GRM5: variants seen among roughly 807,000 people sequenced by gnomAD.
The protein encoded by GRM5 is metabotropic glutamate receptor 5.
Under a neutral mutation model 83.1 loss-of-function variants are expected in GRM5, and 19 were observed. That is an observed-to-expected ratio of 0.23 (90% CI 0.16 to 0.34). GRM5 has a LOEUF of 0.34. Among genes scored for constraint, GRM5 ranks in the 10% least tolerant of loss-of-function variants. The pLI, the probability that GRM5 is intolerant of heterozygous loss-of-function variation, is 1.00. For synonymous variants in GRM5, 675 were observed against 633.6 expected, an observed-to-expected ratio of 1.07 and a Z score of -0.98; for missense variants, 1,160 against 1,588.3, an observed-to-expected ratio of 0.73 and a Z score of 4.58.
intron 3 of GRM5, among the ~76,000 whole-genome samples, chr11:88,785,915 A>C (rs1943059907): frequency 6.6e-6 from 1 of 152,140 alleles, no homozygotes; most frequent in South Asian, 2.1e-4. Context: ...TGCTTTGCTC[A>C]GGTTCCAAAG....
At chr11:88,971,465 T>C (rs1323673145) in intron 2 of GRM5, among the ~76,000 whole-genome samples, 2 of 152,036 alleles carry the variant, frequency 1.3e-5, no homozygotes, top group Non-Finnish European at 2.9e-5. Context: ...CCAGTGACTT[T>C]TTTCCCCTTC....
chr11:88,953,298 C>A (rs536190715), intron 2 of GRM5, among the ~76,000 whole-genome samples: 2 of 152,308 alleles, frequency 1.3e-5, no homozygotes, highest in South Asian at 2.1e-4. Context: ...CACTTATATG[C>A]ATACACACAC....
intron 3 of GRM5, among the ~76,000 whole-genome samples, chr11:88,807,075 G>A (rs1565240290): frequency 6.6e-6 from 1 of 152,082 alleles, no homozygotes; most frequent in Non-Finnish European, 1.5e-5. Context: ...ATTATCTGTT[G>A]ACATGGATTT....
At chr11:88,673,457 C>T (rs1000974943) in intron 3 of GRM5, among the ~76,000 whole-genome samples, 5 of 151,786 alleles carry the variant, frequency 3.3e-5, no homozygotes, top group Admixed American at 6.6e-5. Context: ...GTGAAACAAT[C>T]AAGTGAATGT....
chr11:88,537,744 G>A (rs308893), intron 8 of GRM5, among the ~76,000 whole-genome samples: 95,383 of 151,900 alleles, frequency 0.63, 30,383 homozygotes, highest in East Asian at 0.73. Context: ...TGTGGTCTCC[G>A]TGCGCAGAAA....
chr11:88,957,142 G>T (rs1938642490), intron 2 of GRM5, among the ~76,000 whole-genome samples: 1 of 152,214 alleles, frequency 6.6e-6, no homozygotes, highest in South Asian at 2.1e-4. Context: ...CTTCTCAGAG[G>T]AGGATTGTTG....
In GRM5 at chr11:88,567,207, G is replaced by A; in HGVS notation, c.2476C>T (p.Leu826=). ...CGCACGTTTCTCTCTGGTTTGGCCAGGATGATGTACACCTTCGGCACAAAC... is the reference window on the plus strand; with the variant it reads ...CGCACGTTTCTCTCTGGTTTGGCCAAGATGATGTACACCTTCGGCACAAAC... ...CMFVPKVYII[L]AKPERNVRSA... Residue 826 remains leucine, a synonymous_variant, in exon 8 of 10, where the codon CTG becomes TTG. Transcript: ENST00000305447. This position sits in a 1 kb window ranked among gnomAD's most constrained non-coding sequence, Gnocchi z 7.3. 1 of 1,614,114 alleles carries A rather than the reference G, an allele frequency of 6.2e-7. No homozygotes were observed. The highest frequency in any genetic ancestry group is 8.5e-7 in the Non-Finnish European group (1 of 1,179,996).
rs1435994287 is a variant in GRM5 at position 88,847,740 on chromosome 11, A to AT, written c.911+2165dup. 2.0e-5 allele frequency among the ~76,000 whole-genome samples: 3 copies of AT among 152,316 alleles called. No individual in the cohort carries two copies. The East Asian group carries it at 5.8e-4, about 29-fold the overall frequency. On this transcript the variant is annotated intron_variant, in intron 3 of 9. Coordinates refer to ENST00000305447, the MANE Select transcript of GRM5 (RefSeq NM_001143831.3). The stretch of plus-strand genomic sequence containing the variant: ...TACTAAATAGCCAGTTAATGTGGGG[A>AT]TAAAAAAAATCTAACTAGAGGCTAT...
At chr11:88,843,606 C>T (rs181882884) in intron 3 of GRM5, among the ~76,000 whole-genome samples, 1 of 152,202 alleles carries the variant, frequency 6.6e-6, no homozygotes, top group Non-Finnish European at 1.5e-5. Flanking sequence ...CCTACAATGG[C>T]TAAATGCTCA....
Position 88,949,701 on chromosome 11 carries a change from CATT to C in GRM5, c.661+97508_661+97510del, listed in dbSNP as rs577895276. On this transcript the variant is annotated intron_variant, in intron 2 of 9. Transcript: ENST00000305447. ...AATCTTTGAAATATATTATTTTGAA[CATT>C]ATTATGAATGCATAAAAAGTGTTAT... Among the ~76,000 whole-genome samples the C allele has an allele frequency of 8.5e-5, 13 of 152,144 alleles. No individual in the cohort carries two copies. In the South Asian group the frequency reaches 2.5e-3, roughly 29 times the overall value.
intron 3 of GRM5, among the ~76,000 whole-genome samples, chr11:88,707,752 G>C (rs1314339601): frequency 6.6e-6 from 1 of 152,000 alleles, no homozygotes; most frequent in Non-Finnish European, 1.5e-5. Flanking sequence ...AGTTCTTTAG[G>C]ATTATTTGGA....
At chr11:88,645,424 A>G (rs1400019590) in intron 4 of GRM5, among the ~76,000 whole-genome samples, 1 of 152,180 alleles carries the variant, frequency 6.6e-6, no homozygotes, top group East Asian at 1.9e-4. Flanking sequence ...TAGCATGTAC[A>G]GAAACACAGG....
intron 4 of GRM5, among the ~76,000 whole-genome samples, chr11:88,627,176 A>G (rs1376391086): frequency 6.6e-6 from 1 of 152,246 alleles, no homozygotes; most frequent in Non-Finnish European, 1.5e-5. Flanking sequence ...CCAGTGTCAT[A>G]GAGCTATTAA....
chr11:88,579,862 G>A (rs1220909757), intron 7 of GRM5, among the ~76,000 whole-genome samples: 1 of 152,208 alleles, frequency 6.6e-6, no homozygotes, highest in Non-Finnish European at 1.5e-5. Flanking sequence ...TGCCTGGAAT[G>A]TTGAGGAGAG....
chr11:88,887,700 C>A (rs1945068404), intron 2 of GRM5, among the ~76,000 whole-genome samples: 2 of 152,288 alleles, frequency 1.3e-5, no homozygotes, highest in Admixed American at 6.5e-5. Flanking sequence ...TAAAGGGATA[C>A]TTTTTTGTCA....
At chr11:88,583,031 GT>G (rs1161655404) in intron 7 of GRM5, among the ~76,000 whole-genome samples, 2 of 151,840 alleles carry the variant, frequency 1.3e-5, no homozygotes, top group African/African-American at 4.8e-5. Flanking sequence ...ATTAAAAAAG[GT>G]AATGCTTAAG....
chr11:88,540,141 A>G (rs1406430840), intron 8 of GRM5, among the ~76,000 whole-genome samples: 2 of 152,170 alleles, frequency 1.3e-5, no homozygotes, highest in African/African-American at 2.4e-5. Flanking sequence ...CCCTTCTATC[A>G]TACACAGAAG....
intron 4 of GRM5, among the ~76,000 whole-genome samples, chr11:88,627,443 A>G (rs1938833540): frequency 1.3e-5 from 2 of 152,130 alleles, no homozygotes; most frequent in African/African-American, 4.8e-5. Flanking sequence ...CACATTAGGG[A>G]TAGTTTCTAG....
intron 3 of GRM5, among the ~76,000 whole-genome samples, chr11:88,748,847 C>T (rs183241642): frequency 2.0e-5 from 3 of 152,216 alleles, no homozygotes; most frequent in Non-Finnish European, 2.9e-5. Context: ...ACCACAGCAG[C>T]CCTACAGTAG....
Sources: allele counts gnomAD v4.1 joint callset (sites outside exome capture counted in the v4.1 genomes callset), GRCh38; gene constraint gnomAD v4.1.1; non-coding constraint Gnocchi (gnomAD v3.1); transcripts MANE v1.5; gene names NCBI Gene and HGNC (gene_info 2026-07-23, HGNC 2026-07-21).